The following PLPP3 variants were observed in gnomAD, a reference collection of about 807,000 sequenced individuals.
The protein encoded by PLPP3 is PAP2 beta.
In PLPP3, 6 loss-of-function variants were observed where a neutral mutation model predicts 29.6. The observed-to-expected ratio is 0.20, with a 90% CI of 0.11 to 0.40. The LOEUF is 0.40. Ranked by LOEUF, PLPP3 falls within the 10% of genes least tolerant of loss-of-function variation. PLPP3 has a pLI of 1.00. For synonymous variants in PLPP3, 152 were observed against 159.7 expected, an observed-to-expected ratio of 0.95 and a Z score of 0.36; for missense variants, 308 against 407.7, an observed-to-expected ratio of 0.76 and a Z score of 2.11.
chr1:56,496,642 G>A lies in PLPP3; in HGVS notation c.845C>T (p.Thr282Met), dbSNP rs17850456. Reference protein sequence around the residue: ...FFVSDLFKTKTTLSLPAPAIR... With the variant: ...FFVSDLFKTKMTLSLPAPAIR... ...AGCAGGGGCAGGCAGGGAGAGCGTC[G>A]TCTTAGTCTTGAAGAGGTCAGACAC... The change falls in exon 6 of 6, where the codon ACG (threonine) becomes ATG (methionine). Residue 282 changes from threonine to methionine, a missense_variant. Thr to Met is a moderately conservative substitution (Grantham distance 81, BLOSUM62 -1). Coordinates refer to ENST00000371250, the MANE Select transcript of PLPP3 (RefSeq NM_003713.5). 3.5e-5 allele frequency: 56 copies of A among 1,613,654 alleles called. No individual in the cohort carries two copies. The highest frequency in any genetic ancestry group is 2.8e-4 in the African/African-American group (21 of 74,860).
chr1:56,556,813 C>A (rs1345924365), intron 1 of PLPP3, among the ~76,000 whole-genome samples: 1 of 148,962 alleles, frequency 6.7e-6, no homozygotes, highest in East Asian at 2.0e-4. Flanking sequence ...GTAATCCCAG[C>A]AATTTGGGAG....
intron 2 of PLPP3, among the ~76,000 whole-genome samples, chr1:56,531,808 T>C (rs1569884886): frequency 6.6e-6 from 1 of 152,228 alleles, no homozygotes; most frequent in Middle Eastern, 3.4e-3. Context: ...CCTCCCTCAT[T>C]TGTCAAATGT....
intron 1 of PLPP3, 147 bp from the exon 2 acceptor site, chr1:56,537,259 C>T: frequency 1.1e-6 from 1 of 944,712 alleles, no homozygotes; most frequent in Non-Finnish European, 1.6e-6. Flanking sequence ...TAGAGATCTA[C>T]TGCCTAGAGA....
At chr1:56,563,118 G>A (rs12090895) in intron 1 of PLPP3, among the ~76,000 whole-genome samples, 8,832 of 152,200 alleles carry the variant, frequency 0.058, 684 homozygotes, top group African/African-American at 0.17. Flanking sequence ...CATTCTAAGT[G>A]TGTAGGATCT....
chr1:56,507,091 T>G (rs1645706920), intron 5 of PLPP3, among the ~76,000 whole-genome samples: 1 of 152,214 alleles, frequency 6.6e-6, no homozygotes, highest in Non-Finnish European at 1.5e-5. Flanking sequence ...AGACTTCCAT[T>G]TGACATGTGA....
chr1:56,555,799 A>G (rs74706640), intron 1 of PLPP3, among the ~76,000 whole-genome samples: 4,772 of 152,234 alleles, frequency 0.031, 243 homozygotes, highest in African/African-American at 0.11. Context: ...TGTGAGCCAC[A>G]TATTTTAAAT....
At position 56,524,205 on chromosome 1, in the gene PLPP3, C is replaced by A; in HGVS notation, c.575+72G>T. ...TTCACCCATCTAAACCAGGGCCCAG[C>A]TAGTAAGTGCTCACTGAACTGCACT... On this transcript the variant is annotated intron_variant, in intron 3 of 5. Coordinates refer to ENST00000371250, the MANE Select transcript of PLPP3 (RefSeq NM_003713.5). The surrounding 1 kb of genome is among the most constrained non-coding windows in gnomAD (Gnocchi z 4.3). 1 of 1,553,184 alleles carries A rather than the reference C, an allele frequency of 6.4e-7. No individual in the cohort carries two copies. Among genetic ancestry groups the A allele is most frequent in the South Asian group, 1.2e-5 (1 of 85,528 alleles).
chr1:56,525,135 A>G (rs145959191), intron 2 of PLPP3, among the ~76,000 whole-genome samples: 1 of 152,262 alleles, frequency 6.6e-6, no homozygotes, highest in East Asian at 1.9e-4. Context: ...ACATCCTCCA[A>G]GCTTTGGCCT....
At chr1:56,499,956 C>A (rs1180596803) in intron 5 of PLPP3, among the ~76,000 whole-genome samples, 3 of 152,130 alleles carry the variant, frequency 2.0e-5, no homozygotes, top group Non-Finnish European at 2.9e-5. Context: ...AGCCCACAAT[C>A]CTACTCCACA....
intron 5 of PLPP3, among the ~76,000 whole-genome samples, chr1:56,506,895 C>G (rs750894515): frequency 9.2e-5 from 14 of 152,158 alleles, no homozygotes; most frequent in Non-Finnish European, 1.8e-4. Flanking sequence ...TGGGCTGTGG[C>G]CTTCTCCTTT....
intron 1 of PLPP3, among the ~76,000 whole-genome samples, chr1:56,551,198 A>G (rs1321646838): frequency 2.6e-5 from 4 of 152,140 alleles, no homozygotes. Context: ...CTTGCGCACA[A>G]TGTGAACTGC....
At chr1:56,508,194 G>A (rs1017423701) in intron 5 of PLPP3, among the ~76,000 whole-genome samples, 1 of 152,226 alleles carries the variant, frequency 6.6e-6, no homozygotes, top group Non-Finnish European at 1.5e-5. Context: ...AAAGGGGACA[G>A]GTATCTAATA....
intron 1 of PLPP3, among the ~76,000 whole-genome samples, chr1:56,567,121 C>CAGTCACA (rs1302786972): frequency 6.6e-6 from 1 of 152,160 alleles, no homozygotes; most frequent in Non-Finnish European, 1.5e-5. Flanking sequence ...CTGTACGTCA[C>CAGTCACA]AGTCACAGCC....
intron 1 of PLPP3, among the ~76,000 whole-genome samples, chr1:56,565,640 C>T (rs560468620): frequency 2.4e-4 from 37 of 152,208 alleles, no homozygotes; most frequent in African/African-American, 7.9e-4. Context: ...AGGTTGGTCT[C>T]GAACTCCTGA....
chr1:56,538,961 A>AAAAAAAAAAAAAAAAAAAC (rs1202991977), intron 1 of PLPP3: 1 of 149,298 alleles, frequency 6.7e-6, no homozygotes, highest in Non-Finnish European at 1.5e-5. Flanking sequence ...CTGGGCTGCA[A>AAAAAAAAAAAAAAAAAAAC]AAAAAAAAAA....
chr1:56,548,393 A>G lies in PLPP3; in HGVS notation c.140-11281T>C, dbSNP rs566209721. ...ACTCACTAATCACTTTTTAATTTGT[A>G]GTTGATTTCCTCTCTCTGTGCTGTC... On this transcript the variant is annotated intron_variant, in intron 1 of 5. Transcript: ENST00000371250. 3.3e-5 allele frequency among the ~76,000 whole-genome samples: 5 copies of G among 152,334 alleles called. No individual in the cohort carries two copies. In the South Asian group the frequency reaches 8.3e-4, roughly 25 times the overall value.
At chr1:56,536,367 C>T (rs912634390) in intron 2 of PLPP3, among the ~76,000 whole-genome samples, 1 of 152,192 alleles carries the variant, frequency 6.6e-6, no homozygotes, top group Admixed American at 6.5e-5. Flanking sequence ...TAAGAAACTA[C>T]TGCCAAATGG....
intron 4 of PLPP3, among the ~76,000 whole-genome samples, chr1:56,516,660 GA>G (rs1439960951): frequency 6.6e-6 from 1 of 151,802 alleles, no homozygotes; most frequent in Non-Finnish European, 1.5e-5. Flanking sequence ...GCCCCACAAT[GA>G]CACCGCAGAA....
intron 1 of PLPP3, among the ~76,000 whole-genome samples, chr1:56,568,229 C>T (rs1198489068): frequency 1.3e-5 from 2 of 151,850 alleles, no homozygotes. Context: ...TGATAGTTTA[C>T]CTAACCGTGA....
Sources: gnomAD v4.1 joint callset for allele counts (sites outside exome capture counted in the v4.1 genomes callset) on GRCh38, gnomAD v4.1.1 for gene constraint, Gnocchi (gnomAD v3.1) non-coding constraint, MANE v1.5 for transcripts, NCBI Gene and HGNC (gene_info 2026-07-23, HGNC 2026-07-21) for gene names.